Variants in PRKN observed in about 807,000 individuals in gnomAD.
The protein encoded by PRKN is parkin RBR E3 ubiquitin protein ligase.
A neutral mutation model predicts 59.5 loss-of-function variants in PRKN; 56 were observed. The ratio of observed to expected loss-of-function variants is 0.94; its 90% confidence interval spans 0.76 to 1.18. The LOEUF (loss-of-function observed/expected upper bound fraction) is 1.18, where lower values mean the gene tolerates loss of function less well. PRKN is among the 50% of genes most tolerant of loss of function. The probability of loss-of-function intolerance (pLI) is 0.00; values close to 1 mark genes in which losing one functional copy is unlikely to be tolerated. For missense variants in PRKN, 657 were observed against 596.4 expected, an observed-to-expected ratio of 1.10 and a Z score of -1.06; for synonymous variants, 250 against 222.1, an observed-to-expected ratio of 1.13 and a Z score of -1.12.
At chr6:161,653,235 A>C (rs956227611) in intron 7 of PRKN, among the ~76,000 whole-genome samples, 2 of 152,124 alleles carry the variant, frequency 1.3e-5, no homozygotes, top group African/African-American at 4.8e-5. Context: ...GTGGTGGCGC[A>C]TGCCTGTAGT....
intron 2 of PRKN, among the ~76,000 whole-genome samples, chr6:162,331,823 TG>T (rs1562676948): frequency 6.6e-6 from 1 of 152,132 alleles, no homozygotes; most frequent in African/African-American, 2.4e-5. Context: ...TCCGTAGCGG[TG>T]GGGTTATTGT....
intron 4 of PRKN, among the ~76,000 whole-genome samples, chr6:162,081,669 T>C (rs1562501469): frequency 6.6e-6 from 1 of 152,240 alleles, no homozygotes; most frequent in East Asian, 1.9e-4. Context: ...TTCAAAATGG[T>C]AAATGAGTAT....
At chr6:161,512,949 G>T (rs1474942351) in intron 9 of PRKN, among the ~76,000 whole-genome samples, 4 of 152,158 alleles carry the variant, frequency 2.6e-5, no homozygotes, top group African/African-American at 9.7e-5. Context: ...ATACTGCTAG[G>T]TGTAAGAACT....
At chr6:161,842,202 A>T (rs1793014683) in intron 6 of PRKN, among the ~76,000 whole-genome samples, 1 of 152,104 alleles carries the variant, frequency 6.6e-6, no homozygotes, top group Non-Finnish European at 1.5e-5. Flanking sequence ...ATCCAAATTA[A>T]AAATAAGAGC....
At chr6:161,416,171 C>T (rs1053229877) in intron 9 of PRKN, among the ~76,000 whole-genome samples, 3 of 152,124 alleles carry the variant, frequency 2.0e-5, no homozygotes, top group African/African-American at 7.2e-5. Context: ...TGGGACACAG[C>T]CACACCTTTT....
At chr6:161,654,399 TC>T (rs1204918405) in intron 7 of PRKN, among the ~76,000 whole-genome samples, 1 of 152,090 alleles carries the variant, frequency 6.6e-6, no homozygotes, top group Non-Finnish European at 1.5e-5. Context: ...AAAGGCCACT[TC>T]CGGGAGGACG....
At chr6:161,389,580 G>C (rs552661496) in intron 9 of PRKN, among the ~76,000 whole-genome samples, 1 of 152,346 alleles carries the variant, frequency 6.6e-6, no homozygotes, top group East Asian at 1.9e-4. Flanking sequence ...TGAATAGTGA[G>C]TTGAGTTCTA....
chr6:161,657,382 A>G (rs1232731870), intron 7 of PRKN, among the ~76,000 whole-genome samples: 1 of 152,096 alleles, frequency 6.6e-6, no homozygotes, highest in Non-Finnish European at 1.5e-5. Context: ...TTTTATTTCA[A>G]ATCTCCTCAG....
In PRKN at chr6:161,546,621, A is replaced by C. The variant is rs966022453; in HGVS notation, c.1083+2233T>G. 6.6e-6 allele frequency among the ~76,000 whole-genome samples: 1 copy of C among 152,090 alleles called. No individual in the cohort carries two copies. The highest frequency in any genetic ancestry group is 2.4e-5 in the African/African-American group (1 of 41,406). Reference sequence around the variant, plus strand: ...CTTTTTTCAGCTTCTTCAAATTGCAAACTGTGGTGGTTTAAAATACGTTCA... The same window carrying C: ...CTTTTTTCAGCTTCTTCAAATTGCACACTGTGGTGGTTTAAAATACGTTCA... On this transcript the variant is annotated intron_variant, in intron 9 of 11. Coordinates refer to ENST00000366898, the MANE Select transcript of PRKN (RefSeq NM_004562.3). The surrounding 1 kb of genome is among the most constrained non-coding windows in gnomAD (Gnocchi z 4.4).
chr6:162,636,834 C>A (rs967214937), intron 1 of PRKN, among the ~76,000 whole-genome samples: 14 of 151,912 alleles, frequency 9.2e-5, no homozygotes, highest in Non-Finnish European at 1.5e-4. Context: ...GGAATGGTGG[C>A]ATGCACCTGT....
At chr6:161,485,211 A>C (rs1338791561) in intron 9 of PRKN, among the ~76,000 whole-genome samples, 1 of 152,218 alleles carries the variant, frequency 6.6e-6, no homozygotes, top group Non-Finnish European at 1.5e-5. Context: ...TTATGAAATA[A>C]ATTAGATTTA....
intron 9 of PRKN, among the ~76,000 whole-genome samples, chr6:161,438,604 G>C (rs1445421549): frequency 6.6e-6 from 1 of 152,124 alleles, no homozygotes; most frequent in African/African-American, 2.4e-5. Context: ...GAAGGGAAGG[G>C]AAAACAGTAC....
At chr6:162,550,249 A>C (rs556865636) in intron 1 of PRKN, among the ~76,000 whole-genome samples, 6 of 152,316 alleles carry the variant, frequency 3.9e-5, no homozygotes, top group Non-Finnish European at 5.9e-5. Context: ...AGCCTGTCTT[A>C]GGTAGGATTT....
intron 7 of PRKN, among the ~76,000 whole-genome samples, chr6:161,604,251 T>G (rs1782199117): frequency 6.6e-6 from 1 of 152,096 alleles, no homozygotes; most frequent in Non-Finnish European, 1.5e-5. Flanking sequence ...ACTAAACAAG[T>G]TCTTGTAAAT....
chr6:162,041,989 C>T (rs1417980518), intron 5 of PRKN, among the ~76,000 whole-genome samples: 1 of 152,082 alleles, frequency 6.6e-6, no homozygotes, highest in Non-Finnish European at 1.5e-5. Flanking sequence ...AGAAGGCTCT[C>T]AAGCTTCACT....
At chr6:162,464,659 CAAAAAA>C (rs1164797005) in intron 1 of PRKN, among the ~76,000 whole-genome samples, 6 of 79,922 alleles carry the variant, frequency 7.5e-5, no homozygotes, top group Non-Finnish European at 1.3e-4. Context: ...ACTAAAAATA[CAAAAAA>C]AAAAAAAAAA....
chr6:162,328,458 T>C (rs1030263655), intron 2 of PRKN, among the ~76,000 whole-genome samples: 1 of 152,202 alleles, frequency 6.6e-6, no homozygotes, highest in Non-Finnish European at 1.5e-5. Flanking sequence ...TCCTTCACAG[T>C]AATTCAAAAG....
At chr6:162,562,681 C>A (rs1286407451) in intron 1 of PRKN, among the ~76,000 whole-genome samples, 1 of 152,124 alleles carries the variant, frequency 6.6e-6, no homozygotes, top group Non-Finnish European at 1.5e-5. Context: ...AGCAGCAATA[C>A]CAGGTTGATG....
chr6:161,835,101 C>T (rs191729820), intron 6 of PRKN, among the ~76,000 whole-genome samples: 2 of 152,288 alleles, frequency 1.3e-5, no homozygotes, highest in East Asian at 3.9e-4. Context: ...TCTGGAGTTT[C>T]AGGATACTGA....
Sources: gnomAD v4.1 joint callset for allele counts (sites outside exome capture counted in the v4.1 genomes callset) on GRCh38, gnomAD v4.1.1 for gene constraint, Gnocchi (gnomAD v3.1) non-coding constraint, MANE v1.5 for transcripts, NCBI Gene and HGNC (gene_info 2026-07-23, HGNC 2026-07-21) for gene names.